The following HDAC9 variants were observed in gnomAD, a reference collection of about 807,000 sequenced individuals.
HDAC9 encodes MEF-2 interacting transcription repressor (MITR) protein.
A neutral mutation model predicts 139.4 loss-of-function variants in HDAC9; 41 were observed. That is an observed-to-expected ratio of 0.29 (90% confidence interval 0.23 to 0.38). HDAC9 has a LOEUF of 0.38. Ranked by LOEUF, HDAC9 falls within the 10% of genes least tolerant of loss-of-function variation. The pLI, the probability that HDAC9 is intolerant of heterozygous loss-of-function variation, is 1.00. For synonymous variants in HDAC9, 517 were observed against 476.2 expected, an observed-to-expected ratio of 1.09 and a Z score of -1.12; for missense variants, 1,147 against 1,297.0, an observed-to-expected ratio of 0.88 and a Z score of 1.78.
In HDAC9 at chr7:18,666,453, G is replaced by C. The variant is rs1206580905; in HGVS notation, c.1708G>C (p.Glu570Gln). ...DAQIQEMESG[E>Q]QAAFMQQPFL... is the part of the protein sequence containing the mutation. ...TCAGATCCAGGAAATGGAATCTGGGGAGCAGGCTGCTTTTATGCAACAGGT... is the reference window on the plus strand; with the variant it reads ...TCAGATCCAGGAAATGGAATCTGGGCAGCAGGCTGCTTTTATGCAACAGGT... The change falls in exon 12 of 26, where the codon GAG becomes CAG. Residue 570 changes from glutamate to glutamine, a missense_variant. This residue lies in a region of HDAC9 where 256 missense variants were observed against 219.2 expected (regional missense o/e 1.17). Coordinates refer to ENST00000686413, the MANE Select transcript of HDAC9 (RefSeq NM_178425.4). The C allele has an allele frequency of 6.2e-7, 1 of 1,610,772 alleles. No individual in the cohort carries two copies. Among genetic ancestry groups the C allele is most frequent in the Admixed American group, 1.7e-5 (1 of 59,434 alleles).
chr7:18,935,695 G>C (rs963585534), intron 22 of HDAC9, 114 bp from the exon 23 acceptor site: 1 of 892,216 alleles, frequency 1.1e-6, no homozygotes, highest in Admixed American at 2.0e-5. Context: ...GGATGAGTTA[G>C]CACACAGAAA....
At chr7:18,187,938 G>A (rs1263345570) in intron 2 of HDAC9, among the ~76,000 whole-genome samples, 2 of 152,080 alleles carry the variant, frequency 1.3e-5, no homozygotes, top group East Asian at 3.9e-4. Flanking sequence ...ATAATTCATA[G>A]ATTCAGTGGT....
intron 14 of HDAC9, among the ~76,000 whole-genome samples, chr7:18,761,429 G>C (rs1048176416): frequency 1.3e-5 from 2 of 152,150 alleles, no homozygotes; most frequent in Non-Finnish European, 2.9e-5. Flanking sequence ...ATCTGTCAGA[G>C]ACTAATACGC....
In HDAC9 at chr7:18,486,155, C is replaced by T. The variant is rs553924671; in HGVS notation, c.-41-10107C>T. Reference sequence around the variant, plus strand: ...TTATGATAATGACATTAATCCATTCCTGAAGGACCTAATCACCTCCTAAAG... The same window carrying T: ...TTATGATAATGACATTAATCCATTCTTGAAGGACCTAATCACCTCCTAAAG... On this transcript the variant is annotated intron_variant, in intron 1 of 3. Coordinates refer to the HDAC9 transcript ENST00000413509. Among the ~76,000 whole-genome samples, 16 of 152,206 alleles carry T rather than the reference C, an allele frequency of 1.1e-4. No individual in the cohort carries two copies. The South Asian group carries it at 3.1e-3, about 30-fold the overall frequency.
intron 1 of HDAC9, among the ~76,000 whole-genome samples, chr7:18,156,693 T>A (rs893616850): frequency 6.6e-6 from 1 of 152,178 alleles, no homozygotes; most frequent in South Asian, 2.1e-4. Context: ...TCCACTAACA[T>A]AAGATACATT....
At chr7:18,188,855 G>A (rs949038332) in intron 2 of HDAC9, among the ~76,000 whole-genome samples, 2 of 152,018 alleles carry the variant, frequency 1.3e-5, no homozygotes, top group African/African-American at 2.4e-5. Flanking sequence ...AGATGCTGGC[G>A]AGGCTTTGGA....
In HDAC9 at chr7:18,231,043, A is replaced by C. The variant is rs528846543; in HGVS notation, c.25+68694A>C. 5.6e-4 allele frequency among the ~76,000 whole-genome samples: 86 copies of C among 152,322 alleles called. 1 individual carries two copies. The highest frequency in any genetic ancestry group is 2.0e-3 in the African/African-American group (82 of 41,578). Reference sequence around the variant, plus strand: ...GGCTAGTTTATAATTGGGAATGGAAAGCCCACTGGGGACAAGCTTAGAGCG... The same window carrying C: ...GGCTAGTTTATAATTGGGAATGGAACGCCCACTGGGGACAAGCTTAGAGCG... On this transcript the variant is annotated intron_variant, in intron 2 of 12. Transcript: ENST00000417496.
chr7:18,705,793 C>T (rs576913983), intron 12 of HDAC9, among the ~76,000 whole-genome samples: 1 of 144,932 alleles, frequency 6.9e-6, no homozygotes, highest in African/African-American at 2.6e-5. Flanking sequence ...GTGGAGGCTG[C>T]AGTGAGCCGA....
At position 18,470,688 on chromosome 7, in the gene HDAC9, C is replaced by T. The variant is rs1338947629; in HGVS notation, c.-41-25574C>T. On this transcript the variant is annotated intron_variant, in intron 1 of 3. Coordinates refer to the HDAC9 transcript ENST00000413509. The stretch of plus-strand genomic sequence containing the variant: ...CATAGATAATATGTAAATAAATGGG[C>T]GTGGCCATATTCCAGTAATACATTA... Among the ~76,000 whole-genome samples, 6 of 151,996 alleles carry T rather than the reference C, an allele frequency of 3.9e-5. No individual in the cohort carries two copies. The East Asian group carries it at 5.8e-4, about 15-fold the overall frequency.
At chr7:18,586,780 A>G (rs970886822) in intron 3 of HDAC9, among the ~76,000 whole-genome samples, 2 of 152,136 alleles carry the variant, frequency 1.3e-5, no homozygotes, top group African/African-American at 4.8e-5. Flanking sequence ...TGTACAAAAT[A>G]CCTTAAAGTG....
intron 22 of HDAC9, among the ~76,000 whole-genome samples, chr7:18,876,441 A>T (rs1799325100): frequency 2.0e-5 from 3 of 152,166 alleles, no homozygotes. Flanking sequence ...AAGTGATATC[A>T]TACTTTACCT....
At chr7:18,597,004 C>T (rs1832684854) in intron 6 of HDAC9, among the ~76,000 whole-genome samples, 1 of 152,088 alleles carries the variant, frequency 6.6e-6, no homozygotes, top group Non-Finnish European at 1.5e-5. Context: ...GGACCTTCCC[C>T]AGACAGTGAT....
At chr7:18,907,210 G>T (rs1802340345) in intron 22 of HDAC9, among the ~76,000 whole-genome samples, 1 of 152,142 alleles carries the variant, frequency 6.6e-6, no homozygotes, top group Non-Finnish European at 1.5e-5. Flanking sequence ...TTATAATTCT[G>T]TTTGAATGGA....
intron 1 of HDAC9, among the ~76,000 whole-genome samples, chr7:18,469,261 A>G (rs1794542437): frequency 6.6e-6 from 1 of 152,182 alleles, no homozygotes; most frequent in African/African-American, 2.4e-5. Context: ...GTGTTAACTT[A>G]TTTTTAATAT....
At chr7:18,513,883 A>G (rs1449347210) in intron 2 of HDAC9, among the ~76,000 whole-genome samples, 1 of 152,210 alleles carries the variant, frequency 6.6e-6, no homozygotes. Context: ...AACCCCAGTA[A>G]TTTGTTTGAT....
At chr7:18,258,079 A>G (rs1178084209) in intron 2 of HDAC9, among the ~76,000 whole-genome samples, 2 of 152,266 alleles carry the variant, frequency 1.3e-5, no homozygotes, top group African/African-American at 2.4e-5. Context: ...ATAAGCCTTC[A>G]TGAATCATAT....
intron 2 of HDAC9, among the ~76,000 whole-genome samples, chr7:18,163,970 G>A (rs1787832600): frequency 6.6e-6 from 1 of 152,108 alleles, no homozygotes; most frequent in Non-Finnish European, 1.5e-5. Context: ...AAATTCTTGC[G>A]AGTTGTGATA....
chr7:18,517,427 C>T (rs900022286), intron 2 of HDAC9, among the ~76,000 whole-genome samples: 1 of 152,152 alleles, frequency 6.6e-6, no homozygotes, highest in African/African-American at 2.4e-5. Context: ...TGGGAATGAA[C>T]GAACTAAAGG....
chr7:18,411,917 C>A (rs1195676756), intron 1 of HDAC9, among the ~76,000 whole-genome samples: 2 of 150,974 alleles, frequency 1.3e-5, no homozygotes, highest in Non-Finnish European at 2.9e-5. Context: ...CCTCCACCTC[C>A]CGGGTTCAGG....
Sources: gnomAD v4.1 joint callset for allele counts (sites outside exome capture counted in the v4.1 genomes callset) on GRCh38, gnomAD v4.1.1 for gene constraint, gnomAD v4.1.1 regional missense constraint, MANE v1.5 for transcripts, NCBI Gene and HGNC (gene_info 2026-07-23, HGNC 2026-07-21) for gene names.